API5: variants seen among roughly 807,000 people sequenced by gnomAD.
API5 encodes the protein FIF.
In API5, 6 loss-of-function variants were observed where a neutral mutation model predicts 71.9. The observed-to-expected ratio is 0.08, with a 90% confidence interval of 0.05 to 0.16. The LOEUF (loss-of-function observed/expected upper bound fraction) is 0.16. API5 is among the 10% of genes least tolerant of loss of function. The pLI, the probability that API5 is intolerant of heterozygous loss-of-function variation, is 1.00. For synonymous variants in API5, 189 were observed against 221.3 expected, an observed-to-expected ratio of 0.85 and a Z score of 1.30; for missense variants, 332 against 612.8, an observed-to-expected ratio of 0.54 and a Z score of 4.84.
chr11:43,313,253 C>T (rs186449040), intron 1 of API5, among the ~76,000 whole-genome samples: 15 of 152,162 alleles, frequency 9.9e-5, no homozygotes, highest in Non-Finnish European at 1.5e-5. Flanking sequence ...CGATGCTTGC[C>T]CCCGATACAC....
Position 43,323,532 on chromosome 11 carries a change from T to C in API5, c.646T>C (p.Leu216=). The part of the protein sequence containing the change: ...TVSGRQQLVE[L]VAEQADLEQT... The stretch of plus-strand genomic sequence containing the variant: ...GAGTGGAAGACAGCAACTTGTAGAG[T>C]TGGTGGCTGAACAGGCCGACCTAGA... The change falls in exon 6 of 14, where the codon TTG becomes CTG. Residue 216 remains leucine (L), a synonymous_variant. Coordinates refer to ENST00000531273, the MANE Select transcript of API5 (RefSeq NM_001142930.2). 1.2e-6 allele frequency: 2 copies of C among 1,614,016 alleles called. No homozygotes were observed. Among genetic ancestry groups the C allele is most frequent in the Non-Finnish European group, 1.7e-6 (2 of 1,179,978 alleles).
At chr11:43,322,768 A>G (rs1461212739) in intron 5 of API5, among the ~76,000 whole-genome samples, 1 of 152,152 alleles carries the variant, frequency 6.6e-6, no homozygotes. Flanking sequence ...GACTACTACT[A>G]CCCACTTCCT....
chr11:43,326,999 G>A (rs1055819614), intron 7 of API5, among the ~76,000 whole-genome samples: 11 of 152,122 alleles, frequency 7.2e-5, no homozygotes, highest in African/African-American at 2.7e-4. Flanking sequence ...CAACTGTAAT[G>A]TATGTAAACA....
chr11:43,324,746 T>A (rs1222947889), intron 6 of API5, among the ~76,000 whole-genome samples: 1 of 152,118 alleles, frequency 6.6e-6, no homozygotes, highest in Admixed American at 6.6e-5. Flanking sequence ...GGCATGATCT[T>A]GGCTGACTGC....
At chr11:43,323,260 C>T (rs770326243) in intron 5 of API5, among the ~76,000 whole-genome samples, 170 bp from the exon 6 acceptor site, 2 of 152,196 alleles carry the variant, frequency 1.3e-5, no homozygotes, top group Non-Finnish European at 2.9e-5. Flanking sequence ...GCGTGGTTTA[C>T]ACTGAAGCTC....
At chr11:43,328,035 A>G (rs1445152294) in intron 8 of API5, among the ~76,000 whole-genome samples, 157 bp downstream of exon 8, 1 of 152,190 alleles carries the variant, frequency 6.6e-6, no homozygotes, top group East Asian at 1.9e-4. Context: ...GTTGTTGTCT[A>G]CTTTGTTTTA....
rs1854488263 is a variant in API5 at position 43,312,051 on chromosome 11, T to C, written c.-77T>C. 2 of 1,527,658 alleles carry C rather than the reference T, an allele frequency of 1.3e-6. No individual in the cohort carries two copies. The highest frequency in any genetic ancestry group is 1.8e-6 in the Non-Finnish European group (2 of 1,110,422). The allele number at this position is 1,527,658 out of a possible 1,614,324, so 94.6% of individuals were successfully genotyped here. A position where few individuals can be genotyped will look rare whatever the true frequency, so the allele number is the denominator to read the frequency against. On this transcript the variant is annotated 5_prime_UTR_variant, in exon 1 of 14. Coordinates refer to ENST00000531273, the MANE Select transcript of API5 (RefSeq NM_001142930.2). ...AGGTGTAATAGTGCGGGTAGTGGGT[T>C]TGGAGAAGTTCCGAGGCGGCGGTGG... is the stretch of plus-strand genomic sequence containing the variant.
intron 12 of API5, 63 bp downstream of exon 12, chr11:43,335,417 G>A: frequency 1.1e-6 from 1 of 951,216 alleles, no homozygotes; most frequent in East Asian, 2.4e-5. Context: ...TACATTTACT[G>A]TTCAAAAGGG....
intron 5 of API5, among the ~76,000 whole-genome samples, chr11:43,322,607 T>A (rs2134352703): frequency 6.6e-6 from 1 of 152,366 alleles, no homozygotes; most frequent in South Asian, 2.1e-4. Context: ...TTGTAGACGC[T>A]AAGATTGGCA....
At chr11:43,323,356 C>A in intron 5 of API5, 74 bp from the exon 6 acceptor site, 1 of 1,299,950 alleles carries the variant, frequency 7.7e-7, no homozygotes, top group Non-Finnish European at 1.1e-6. Flanking sequence ...AATAAATTAG[C>A]TATTCTCTTT....
intron 6 of API5, 33 bp from the exon 7 acceptor site, chr11:43,326,474 T>C (rs1011786308): frequency 7.5e-7 from 1 of 1,336,980 alleles, no homozygotes; most frequent in Non-Finnish European, 1.1e-6. Flanking sequence ...ATATTTGTTT[T>C]TCGACAATGC....
chr11:43,333,933 A>G lies in API5; in HGVS notation c.1279-1345A>G, dbSNP rs1012183603. 2.0e-4 allele frequency among the ~76,000 whole-genome samples: 30 copies of G among 152,198 alleles called. No homozygotes were observed. The South Asian group carries it at 6.2e-3, about 32-fold the overall frequency. On this transcript the variant is annotated intron_variant, in intron 11 of 13. Transcript: ENST00000531273. ...ATACCTAATACAGTACCTACACATC[A>G]CTTCATTCTCGAGGATTCAACATAG...
chr11:43,329,918 A>C lies in API5; in HGVS notation c.1128-47A>C, dbSNP rs896441408. On this transcript the variant is annotated intron_variant, in intron 9 of 13. Transcript: ENST00000531273. ...GTAGTATAAGATTGAGTTTAAAAACAAAATTGAAGTGATGAATTGCTAATT... is the reference window on the plus strand; with the variant it reads ...GTAGTATAAGATTGAGTTTAAAAACCAAATTGAAGTGATGAATTGCTAATT... The C allele has an allele frequency of 2.6e-6, 4 of 1,549,502 alleles. No homozygotes were observed. In the South Asian group the frequency reaches 3.4e-5, roughly 13 times the overall value.
At position 43,312,042 on chromosome 11, in the gene API5, G is replaced by T. The variant is rs894860229; in HGVS notation, c.-86G>T. 7 of 1,454,646 alleles carry T rather than the reference G, an allele frequency of 4.8e-6. No homozygotes were observed. In the African/African-American group the frequency reaches 7.0e-5, roughly 14 times the overall value. 90.1% of individuals were successfully genotyped at this position (1,454,646 alleles called of 1,614,324 possible). On this transcript the variant is annotated 5_prime_UTR_variant, in exon 1 of 14. Transcript: ENST00000531273. ...GGCAGCTGGAGGTGTAATAGTGCGGGTAGTGGGTTTGGAGAAGTTCCGAGG... is the reference window on the plus strand; with the variant it reads ...GGCAGCTGGAGGTGTAATAGTGCGGTTAGTGGGTTTGGAGAAGTTCCGAGG...
At chr11:43,316,866 C>T (rs2134341121) in intron 1 of API5, among the ~76,000 whole-genome samples, 1 of 152,292 alleles carries the variant, frequency 6.6e-6, no homozygotes, top group South Asian at 2.1e-4. Flanking sequence ...GTTTATAATA[C>T]ACTTTTCAGT....
At chr11:43,326,136 A>G (rs1855063853) in intron 6 of API5, among the ~76,000 whole-genome samples, 1 of 152,114 alleles carries the variant, frequency 6.6e-6, no homozygotes, top group South Asian at 2.1e-4. Context: ...GGGCACCCAC[A>G]TTTCTTTGGT....
intron 6 of API5, 60 bp from the exon 7 acceptor site, chr11:43,326,447 C>A: frequency 9.4e-7 from 1 of 1,060,600 alleles, no homozygotes. Flanking sequence ...TGAAATTCTG[C>A]TATAATATTT....
In API5 at chr11:43,318,837, A is replaced by G. The variant is rs758597354; in HGVS notation, c.231+36A>G. 1.6e-5 allele frequency: 26 copies of G among 1,589,506 alleles called. No homozygotes were observed. The African/African-American group carries it at 2.4e-4, about 15-fold the overall frequency. On this transcript the variant is annotated intron_variant, in intron 2 of 13. Coordinates refer to ENST00000531273, the MANE Select transcript of API5 (RefSeq NM_001142930.2). ...GAATGACACTTCATAGCAATCTTTCAGATGTTTCTGTATGTGGCTGATACA... is the reference window on the plus strand; with the variant it reads ...GAATGACACTTCATAGCAATCTTTCGGATGTTTCTGTATGTGGCTGATACA...
chr11:43,318,774 A>G lies in API5; in HGVS notation c.204A>G (p.Leu68=), dbSNP rs759561318. The G allele has an allele frequency of 6.2e-7, 1 of 1,613,436 alleles. No homozygotes were observed. Among genetic ancestry groups the G allele is most frequent in the African/African-American group, 1.3e-5 (1 of 75,046 alleles). ...ELADSAINAQ[L]DLCEDEDVSI... Reference sequence around the variant, plus strand: ...CTGATTCTGCTATCAATGCACAGTTAGACCTCTGTGAGGATGAAGATGTAT... The same window carrying G: ...CTGATTCTGCTATCAATGCACAGTTGGACCTCTGTGAGGATGAAGATGTAT... Residue 68 remains leucine, a synonymous_variant, in exon 2 of 14, where the codon TTA becomes TTG. Coordinates refer to ENST00000531273, the MANE Select transcript of API5 (RefSeq NM_001142930.2).
Sources: allele counts gnomAD v4.1 joint callset (sites outside exome capture counted in the v4.1 genomes callset), GRCh38; gene constraint gnomAD v4.1.1; transcripts MANE v1.5; gene names NCBI Gene and HGNC (gene_info 2026-07-23, HGNC 2026-07-21).